Variants in SLC17A8 observed in about 807,000 individuals in gnomAD.
SLC17A8 encodes vesicular glutamate transporter 3.
Under a neutral mutation model 58.0 loss-of-function variants are expected in SLC17A8, and 31 were observed. That is an observed-to-expected ratio of 0.53 (90% CI 0.40 to 0.72). The LOEUF (loss-of-function observed/expected upper bound fraction) is 0.72. Among genes scored for constraint, SLC17A8 ranks in the 30% least tolerant of loss-of-function variants. The pLI is 0.00. For missense variants in SLC17A8, 655 were observed against 727.8 expected (o/e 0.90, Z 1.15); for synonymous variants, 228 against 249.0 (o/e 0.92, Z 0.79).
In SLC17A8 at chr12:100,357,331, G is replaced by A. The variant is rs1176730235; in HGVS notation, c.-61G>A. 1.1e-6 allele frequency: 1 copy of A among 946,100 alleles called. No individual in the cohort carries two copies. Among genetic ancestry groups the A allele is most frequent in the African/African-American group, 1.6e-5 (1 of 62,088 alleles). 58.6% of individuals were successfully genotyped at this position (946,100 alleles called of 1,614,324 possible). A position where few individuals can be genotyped will look rare whatever the true frequency, so the allele number is the denominator to read the frequency against. ...ACAAGGTGGTTCTCACACTGGAAATGAGGAAGGATGACAGTTTTTGAGACT... is the reference window on the plus strand; with the variant it reads ...ACAAGGTGGTTCTCACACTGGAAATAAGGAAGGATGACAGTTTTTGAGACT... On this transcript the variant is annotated 5_prime_UTR_variant, in exon 1 of 12. The change abolishes an upstream ATG in the 5' untranslated region. Coordinates refer to ENST00000323346, the MANE Select transcript of SLC17A8 (RefSeq NM_139319.3).
At chr12:100,402,795 C>T in intron 8 of SLC17A8, 50 bp downstream of exon 8, 1 of 1,529,140 alleles carries the variant, frequency 6.5e-7, no homozygotes, top group Non-Finnish European at 9.0e-7. Context: ...TCTCTTGATT[C>T]TACAGAGAAT....
chr12:100,419,757 T>C (rs1448740500), intron 11 of SLC17A8, 58 bp from the exon 12 acceptor site: 3 of 1,552,214 alleles, frequency 1.9e-6, no homozygotes, highest in Admixed American at 1.7e-5. Context: ...CTCCAGGACA[T>C]ACTGGTAATC....
intron 1 of SLC17A8, among the ~76,000 whole-genome samples, chr12:100,379,431 TC>T (rs200225713): frequency 0.076 from 3,470 of 45,612 alleles, 238 homozygotes; most frequent in East Asian, 0.47. Flanking sequence ...CGAGATTCCG[TC>T]CCCAAAAAAA....
intron 1 of SLC17A8, among the ~76,000 whole-genome samples, chr12:100,370,477 A>G (rs1287337778): frequency 1.3e-5 from 2 of 150,772 alleles, no homozygotes; most frequent in South Asian, 2.1e-4. Flanking sequence ...TTGTATTTAT[A>G]ATAGAGATGG....
At chr12:100,417,893 C>G in intron 10 of SLC17A8, 136 bp from the exon 11 acceptor site, 3 of 1,027,166 alleles carry the variant, frequency 2.9e-6, no homozygotes, top group Non-Finnish European at 4.5e-6. Context: ...TGAACCCAGT[C>G]CTCTTGGTCT....
intron 2 of SLC17A8, among the ~76,000 whole-genome samples, chr12:100,389,521 ATTTTC>A (rs1952698562): frequency 6.6e-6 from 1 of 151,692 alleles, no homozygotes. Context: ...AAGCTATTTT[ATTTTC>A]TCCTTAGCAT....
At chr12:100,382,111 A>G in intron 2 of SLC17A8, among the ~76,000 whole-genome samples, 1 of 152,014 alleles carries the variant, frequency 6.6e-6, no homozygotes, top group Non-Finnish European at 1.5e-5. Flanking sequence ...CAGGTTGAGA[A>G]CTCCCAGTGA....
chr12:100,416,139 T>TA (rs1448478775), intron 10 of SLC17A8, among the ~76,000 whole-genome samples: 2 of 152,230 alleles, frequency 1.3e-5, no homozygotes, highest in Non-Finnish European at 2.9e-5. Flanking sequence ...TTATCTGCTA[T>TA]AAAAATCTAT....
At chr12:100,404,295 C>A in intron 9 of SLC17A8, 125 bp downstream of exon 9, 3 of 1,247,728 alleles carry the variant, frequency 2.4e-6, no homozygotes, top group South Asian at 1.3e-5. Context: ...CTAAGTCTGT[C>A]CCTCAGCAGA....
chr12:100,366,347 G>A (rs1390425106), intron 1 of SLC17A8, among the ~76,000 whole-genome samples: 1 of 152,078 alleles, frequency 6.6e-6, no homozygotes, highest in Non-Finnish European at 1.5e-5. Context: ...AATTATACAT[G>A]GGGGAATGAC....
intron 4 of SLC17A8, among the ~76,000 whole-genome samples, chr12:100,395,674 G>A (rs1043381788): frequency 6.6e-6 from 1 of 151,642 alleles, no homozygotes; most frequent in Admixed American, 6.6e-5. Flanking sequence ...GTGCAGTGGT[G>A]CAATCTCAGC....
Position 100,380,969 on chromosome 12 carries a change from T to C in SLC17A8, c.354+16T>C, listed in dbSNP as rs77707755. ...GGAAATTCAGGTTGGTATCAGTCCA[T>C]GGTGGAAGACTTTTCTTTTTGAGAC... is the stretch of plus-strand genomic sequence containing the variant. On this transcript the variant is annotated intron_variant, in intron 2 of 11. Coordinates refer to ENST00000323346, the MANE Select transcript of SLC17A8 (RefSeq NM_139319.3). 4.0e-3 allele frequency: 6,437 copies of C among 1,613,734 alleles called. 15 individuals carry two copies. Among genetic ancestry groups the C allele is most frequent in the Middle Eastern group, 5.4e-3 (31 of 5,736 alleles).
chr12:100,385,233 ATTTTTTT>A (rs397850732), intron 2 of SLC17A8, among the ~76,000 whole-genome samples: 2 of 106,694 alleles, frequency 1.9e-5, no homozygotes, highest in Non-Finnish European at 3.5e-5. Context: ...TGTCTTAAAC[ATTTTTTT>A]TTTTTTTTTT....
intron 1 of SLC17A8, among the ~76,000 whole-genome samples, chr12:100,379,464 GT>G (rs1952618234): frequency 6.7e-6 from 1 of 149,002 alleles, no homozygotes; most frequent in Admixed American, 6.7e-5. Context: ...ACCTGCCAAG[GT>G]TATCTTTCAT....
chr12:100,417,971 A>C lies in SLC17A8; in HGVS notation c.1298-58A>C, dbSNP rs61941805. The C allele has an allele frequency of 0.1, 163,677 of 1,611,686 alleles. 9,448 individuals are homozygous for C. The highest frequency in any genetic ancestry group is 0.19 in the Admixed American group (11,318 of 59,982). On this transcript the variant is annotated intron_variant, in intron 10 of 11. Transcript: ENST00000323346. ...AGGCTGGGGCAACTGAGTATTTTCC[A>C]AAGCATATTTGAAATTCTGTTCTTG...
intron 2 of SLC17A8, among the ~76,000 whole-genome samples, chr12:100,389,478 G>GC (rs1187839716): frequency 6.6e-6 from 1 of 151,794 alleles, no homozygotes; most frequent in Non-Finnish European, 1.5e-5. Flanking sequence ...TAACTTAGTA[G>GC]CCCCCCAAAA....
chr12:100,385,133 T>TGAGA (rs1183439571), intron 2 of SLC17A8, among the ~76,000 whole-genome samples: 26 of 149,966 alleles, frequency 1.7e-4, no homozygotes, highest in African/African-American at 3.4e-4. Context: ...TGTGTGTGTG[T>TGAGA]GAGAGAGAGA....
chr12:100,395,729 CA>C (rs1952748947), intron 4 of SLC17A8, among the ~76,000 whole-genome samples: 2 of 152,142 alleles, frequency 1.3e-5, no homozygotes, highest in Non-Finnish European at 2.9e-5. Context: ...TCTTGTGCCT[CA>C]GCCTCCCAAG....
In SLC17A8 at chr12:100,357,496, A is replaced by G; in HGVS notation, c.101+4A>G. On this transcript the variant is annotated splice_donor_region_variant and intron_variant, in intron 1 of 11. Coordinates refer to ENST00000323346, the MANE Select transcript of SLC17A8 (RefSeq NM_139319.3). ...ATTCTTTGGGAATTTTACAAAGGTAAAGTTTGAATGCGAACTTTAGTTCCT... is the reference window on the plus strand; with the variant it reads ...ATTCTTTGGGAATTTTACAAAGGTAGAGTTTGAATGCGAACTTTAGTTCCT... The G allele has an allele frequency of 5.7e-6, 9 of 1,581,546 alleles. No individual in the cohort carries two copies. The highest frequency in any genetic ancestry group is 7.8e-6 in the Non-Finnish European group (9 of 1,150,344).
Sources: allele counts gnomAD v4.1 joint callset (sites outside exome capture counted in the v4.1 genomes callset), GRCh38; gene constraint gnomAD v4.1.1; transcripts MANE v1.5; gene names NCBI Gene and HGNC (gene_info 2026-07-23, HGNC 2026-07-21).